The following NHEJ1 variants were observed in gnomAD, a reference collection of about 807,000 sequenced individuals.
NHEJ1 encodes non-homologous end-joining factor 1.
NHEJ1 carries 22 observed loss-of-function variants against 39.4 expected under a neutral mutation model. The observed-to-expected ratio is 0.56, with a 90% CI of 0.40 to 0.80. The LOEUF (loss-of-function observed/expected upper bound fraction) is 0.80. NHEJ1 is among the 30% of genes least tolerant of loss of function. The pLI is 0.00. For missense variants in NHEJ1, 329 were observed against 357.1 expected (o/e 0.92, Z 0.63); for synonymous variants, 154 against 135.6 (o/e 1.14, Z -0.94).
At chr2:219,106,201 A>C (rs1318312675) in intron 5 of NHEJ1, among the ~76,000 whole-genome samples, 1 of 152,184 alleles carries the variant, frequency 6.6e-6, no homozygotes, top group African/African-American at 2.4e-5. Flanking sequence ...TCTTGGGTCT[A>C]AGAAGACCTT....
intron 5 of NHEJ1, among the ~76,000 whole-genome samples, chr2:219,126,031 C>T (rs1274201920): frequency 1.3e-5 from 2 of 152,242 alleles, no homozygotes; most frequent in Admixed American, 1.3e-4. Context: ...AGAGGATTCC[C>T]TCCAACTGTG....
chr2:219,111,298 C>A lies in NHEJ1; in HGVS notation c.589-33092G>T, dbSNP rs1312540667. 6.6e-6 allele frequency among the ~76,000 whole-genome samples: 1 copy of A among 152,156 alleles called. No homozygotes were observed. Among genetic ancestry groups the A allele is most frequent in the Admixed American group, 6.5e-5 (1 of 15,270 alleles). On this transcript the variant is annotated intron_variant, in intron 5 of 7. Coordinates refer to ENST00000356853, the MANE Select transcript of NHEJ1 (RefSeq NM_024782.3). This position sits in a 1 kb window ranked among gnomAD's most constrained non-coding sequence, Gnocchi z 4.1. ...CAAAAGGCAGCTGACAAAATTAGAACCCAGGTTTCTTGGATAAGGGGTTAA... is the reference window on the plus strand; with the variant it reads ...CAAAAGGCAGCTGACAAAATTAGAAACCAGGTTTCTTGGATAAGGGGTTAA...
intron 3 of NHEJ1, among the ~76,000 whole-genome samples, chr2:219,154,552 A>G (rs890154698): frequency 2.0e-5 from 3 of 152,352 alleles, no homozygotes; most frequent in Admixed American, 1.3e-4. Flanking sequence ...CCTTACAGAC[A>G]TACACACAAG....
chr2:219,106,589 T>C (rs548821250), intron 5 of NHEJ1, among the ~76,000 whole-genome samples: 2 of 152,334 alleles, frequency 1.3e-5, no homozygotes, highest in Admixed American at 1.3e-4. Context: ...CACAGATATC[T>C]ACAAGTGTTA....
At chr2:219,101,638 G>C (rs544739196) in intron 5 of NHEJ1, among the ~76,000 whole-genome samples, 2 of 149,424 alleles carry the variant, frequency 1.3e-5, no homozygotes, top group Non-Finnish European at 3.0e-5. Flanking sequence ...CTTGAACTCC[G>C]GGCCTCAAGT....
intron 5 of NHEJ1, among the ~76,000 whole-genome samples, chr2:219,121,295 T>C (rs1449227470): frequency 1.3e-5 from 2 of 152,146 alleles, no homozygotes; most frequent in African/African-American, 4.8e-5. Flanking sequence ...CTACTTCAAC[T>C]ACATCCTTAT....
At position 219,109,967 on chromosome 2, in the gene NHEJ1, T is replaced by C. The variant is rs573336368; in HGVS notation, c.589-31761A>G. ...ATTTTTTGGTAAGGGTATGAATAGT[T>C]TGAAAAGGCTTCCAAATAATTCTAA... On this transcript the variant is annotated intron_variant, in intron 5 of 7. Transcript: ENST00000356853. 1.7e-4 allele frequency among the ~76,000 whole-genome samples: 26 copies of C among 152,306 alleles called. No individual in the cohort carries two copies. In the South Asian group the frequency reaches 3.3e-3, roughly 19 times the overall value.
At chr2:219,127,712 A>T (rs1191886979) in intron 5 of NHEJ1, among the ~76,000 whole-genome samples, 2 of 152,260 alleles carry the variant, frequency 1.3e-5, no homozygotes, top group Non-Finnish European at 2.9e-5. Flanking sequence ...GAAAGACCTT[A>T]TATCTAGATG....
chr2:219,157,697 C>T lies in NHEJ1; in HGVS notation c.178-13G>A. On this transcript the variant is annotated splice_polypyrimidine_tract_variant and intron_variant, in intron 2 of 7. Transcript: ENST00000356853. ...GCTTGTTCAGCTCCTAAAGAGAGAG[C>T]AGTGGTACAGAGTAAGGGTGCTAAA... The T allele has an allele frequency of 2.5e-6, 4 of 1,607,736 alleles. No homozygotes were observed. Among genetic ancestry groups the T allele is most frequent in the Non-Finnish European group, 3.4e-6 (4 of 1,175,838 alleles).
intron 3 of NHEJ1, among the ~76,000 whole-genome samples, chr2:219,154,923 AGATT>A (rs1949837339): frequency 6.8e-6 from 1 of 147,494 alleles, no homozygotes; most frequent in South Asian, 2.1e-4. Flanking sequence ...ATATTAATAT[AGATT>A]AATATAACAT....
chr2:219,080,299 G>C (rs1250631046), intron 5 of NHEJ1, among the ~76,000 whole-genome samples: 1 of 152,102 alleles, frequency 6.6e-6, no homozygotes, highest in Non-Finnish European at 1.5e-5. Context: ...CACTTTGGGA[G>C]GCCGAGGCGG....
Position 219,157,688 on chromosome 2 carries a change from A to T in NHEJ1, c.178-4T>A. The T allele has an allele frequency of 6.2e-7, 1 of 1,611,476 alleles. No homozygotes were observed. The highest frequency in any genetic ancestry group is 1.3e-5 in the African/African-American group (1 of 75,012). ...CAGTGAGCCGCTTGTTCAGCTCCTA[A>T]AGAGAGAGCAGTGGTACAGAGTAAG... On this transcript the variant is annotated splice_polypyrimidine_tract_variant and splice_region_variant and intron_variant, in intron 2 of 7. Transcript: ENST00000356853.
rs889540495 is a variant in NHEJ1 at position 219,071,631 on chromosome 2, C to G, written c.*4750G>C. Among the ~76,000 whole-genome samples, 3 of 152,212 alleles carry G rather than the reference C, an allele frequency of 2.0e-5. No individual in the cohort carries two copies. The highest frequency in any genetic ancestry group is 7.2e-5 in the African/African-American group (3 of 41,450). ...ACTGTTTTGGGCCCCAGAGTAAGGGCAGAGAGGAAGAGTGTGGCACTGCAT... is the reference window on the plus strand; with the variant it reads ...ACTGTTTTGGGCCCCAGAGTAAGGGGAGAGAGGAAGAGTGTGGCACTGCAT... On this transcript the variant is annotated 3_prime_UTR_variant, in exon 8 of 8. Transcript: ENST00000356853.
In NHEJ1 at chr2:219,157,991, TCACACACA is replaced by T. The variant is rs58103413; in HGVS notation, c.177+187_177+194del. On this transcript the variant is annotated intron_variant, in intron 2 of 7. Coordinates refer to ENST00000356853, the MANE Select transcript of NHEJ1 (RefSeq NM_024782.3). ...CTTTCTTTCTCTCTCTCTCTCTCTCTCACACACACACACACACACACACACACACACAC... is the reference window on the plus strand; with the variant it reads ...CTTTCTTTCTCTCTCTCTCTCTCTCTCACACACACACACACACACACACAC... Among the ~76,000 whole-genome samples the T allele has an allele frequency of 0.11, 11,019 of 98,944 alleles. 564 individuals carry two copies. The highest frequency in any genetic ancestry group is 0.16 in the Non-Finnish European group (6,623 of 42,328). 64.9% of individuals were successfully genotyped at this position (98,944 alleles called of 152,430 possible). A position where few individuals can be genotyped will look rare whatever the true frequency, so the allele number is the denominator to read the frequency against.
chr2:219,106,121 A>G (rs1174148998), intron 5 of NHEJ1, among the ~76,000 whole-genome samples: 1 of 152,228 alleles, frequency 6.6e-6, no homozygotes. Context: ...TAATACCAGC[A>G]AAACTAAGCT....
chr2:219,160,624 C>G, intron 1 of NHEJ1, 96 bp downstream of exon 1: 1 of 152,212 alleles, frequency 6.6e-6, no homozygotes, highest in Non-Finnish European at 1.5e-5. Context: ...CGCGCTCCCT[C>G]CAGGGAGAAA....
At chr2:219,118,308 C>T (rs7588654) in intron 5 of NHEJ1, among the ~76,000 whole-genome samples, 131,943 of 152,188 alleles carry the variant, frequency 0.87, 58,198 homozygotes, top group Non-Finnish European at 0.96. Context: ...GGCTGCCCTA[C>T]TACAACAGAC....
At position 219,074,292 on chromosome 2, in the gene NHEJ1, C is replaced by T. The variant is rs1179159161; in HGVS notation, c.*2089G>A. ...TTGAGGGATTCACAGGCCTCTGGCCCCGCTGTGATGAAAAATGTCTTGAGT... is the reference window on the plus strand; with the variant it reads ...TTGAGGGATTCACAGGCCTCTGGCCTCGCTGTGATGAAAAATGTCTTGAGT... On this transcript the variant is annotated 3_prime_UTR_variant, in exon 8 of 8. Coordinates refer to ENST00000356853, the MANE Select transcript of NHEJ1 (RefSeq NM_024782.3). Among the ~76,000 whole-genome samples, 2 of 152,188 alleles carry T rather than the reference C, an allele frequency of 1.3e-5. No homozygotes were observed. Among genetic ancestry groups the T allele is most frequent in the Non-Finnish European group, 2.9e-5 (2 of 68,050 alleles).
intron 5 of NHEJ1, among the ~76,000 whole-genome samples, chr2:219,093,959 G>C (rs1015852616): frequency 6.6e-6 from 1 of 152,212 alleles, no homozygotes; most frequent in African/African-American, 2.4e-5. Flanking sequence ...TTAAAGATGG[G>C]CAAGGATTCT....
Sources: gnomAD v4.1 joint callset for allele counts (sites outside exome capture counted in the v4.1 genomes callset) on GRCh38, gnomAD v4.1.1 for gene constraint, Gnocchi (gnomAD v3.1) non-coding constraint, MANE v1.5 for transcripts, NCBI Gene and HGNC (gene_info 2026-07-23, HGNC 2026-07-21) for gene names.